The following PCDHGB2 variants were observed in gnomAD, a reference collection of about 807,000 sequenced individuals.
The protein encoded by PCDHGB2 is protocadherin gamma-B2.
A neutral mutation model predicts 59.3 loss-of-function variants in PCDHGB2; 55 were observed. That is an observed-to-expected ratio of 0.93 (90% CI 0.75 to 1.16). The LOEUF is 1.16. Among genes scored for constraint, PCDHGB2 ranks in the 50% most tolerant of loss-of-function variants. The pLI is 0.00. For synonymous variants in PCDHGB2, 516 were observed against 512.0 expected, an observed-to-expected ratio of 1.01 and a Z score of -0.11; for missense variants, 1,228 against 1,198.5, an observed-to-expected ratio of 1.02 and a Z score of -0.36.
At chr5:141,505,559 G>A (rs1215110084) in intron 3 of PCDHGB2, 78 bp downstream of exon 3, 27 of 1,604,592 alleles carry the variant, frequency 1.7e-5, no homozygotes, top group Non-Finnish European at 2.0e-5. Flanking sequence ...CCATGCCCAC[G>A]GACTGGATGT....
intron 1 of PCDHGB2, chr5:141,414,158 G>C: frequency 6.2e-7 from 1 of 1,602,572 alleles, no homozygotes; most frequent in Non-Finnish European, 8.5e-7. Context: ...GCAGAAGATG[G>C]AGGAGCATAT....
chr5:141,365,083 T>G (rs1763725289), intron 1 of PCDHGB2: 1 of 1,613,804 alleles, frequency 6.2e-7, no homozygotes, highest in Non-Finnish European at 8.5e-7. Context: ...GCGTGAGTGT[T>G]CCAGAGAACA....
At chr5:141,416,846 A>G (rs1412860680) in intron 1 of PCDHGB2, 2 of 152,120 alleles carry the variant, frequency 1.3e-5, no homozygotes, top group Non-Finnish European at 2.9e-5. Flanking sequence ...TTATAATTCC[A>G]TGATTTTTTT....
At chr5:141,426,153 T>C (rs928934950) in intron 1 of PCDHGB2, 12 of 154,130 alleles carry the variant, frequency 7.8e-5, no homozygotes, top group African/African-American at 2.6e-4. Flanking sequence ...CTCCTGCAAA[T>C]CTGATTCCAT....
intron 1 of PCDHGB2, among the ~76,000 whole-genome samples, chr5:141,446,719 G>C (rs899985752): frequency 2.6e-5 from 4 of 152,056 alleles, no homozygotes; most frequent in Admixed American, 1.3e-4. Flanking sequence ...TGCCCGCCTC[G>C]GCCTCCCAAA....
chr5:141,494,446 G>C (rs1046119515), intron 1 of PCDHGB2, among the ~76,000 whole-genome samples: 2 of 152,172 alleles, frequency 1.3e-5, no homozygotes, highest in African/African-American at 4.8e-5. Context: ...TGCCACTTTA[G>C]GGGGCTTTGT....
intron 1 of PCDHGB2, chr5:141,418,598 T>G: frequency 6.2e-7 from 1 of 1,614,010 alleles, no homozygotes; most frequent in Non-Finnish European, 8.5e-7. Flanking sequence ...CCAGGACGTG[T>G]ACAGGGTTAG....
intron 1 of PCDHGB2, among the ~76,000 whole-genome samples, chr5:141,455,549 C>G (rs911113181): frequency 1.3e-5 from 2 of 152,042 alleles, no homozygotes; most frequent in Non-Finnish European, 2.9e-5. Flanking sequence ...TCACGTAGCC[C>G]GAGAAAAAGC....
chr5:141,371,072 C>T (rs1456354595), intron 1 of PCDHGB2: 3 of 1,613,886 alleles, frequency 1.9e-6, no homozygotes, highest in South Asian at 1.1e-5. Context: ...GCTGTACCAC[C>T]CAGATCAGGG....
At chr5:141,365,533 C>T (rs772815348) in intron 1 of PCDHGB2, 21 of 1,613,642 alleles carry the variant, frequency 1.3e-5, no homozygotes, top group Non-Finnish European at 1.8e-5. Flanking sequence ...TTGATAATTA[C>T]TATCACCTAT....
intron 1 of PCDHGB2, chr5:141,392,890 T>G (rs2092623202): frequency 3.1e-6 from 5 of 1,613,418 alleles, no homozygotes; most frequent in Admixed American, 1.7e-5. Context: ...CTGTGGGAAA[T>G]CGGGAGGGGA....
chr5:141,384,649 C>T lies in PCDHGB2; in HGVS notation c.2421+22093C>T, dbSNP rs778822731. ...GGAGCTGGCACCCCGCTCCGCAGAGCCCGGCTACCTGGTGACCAAGGTGGT... is the reference window on the plus strand; with the variant it reads ...GGAGCTGGCACCCCGCTCCGCAGAGTCCGGCTACCTGGTGACCAAGGTGGT... On this transcript the variant is annotated intron_variant, in intron 1 of 3. Transcript: ENST00000522605. The T allele has an allele frequency of 3.7e-5, 60 of 1,614,114 alleles. No homozygotes were observed. The Middle Eastern group carries it at 4.9e-4, about 13-fold the overall frequency.
intron 1 of PCDHGB2, among the ~76,000 whole-genome samples, chr5:141,444,152 ATTTTTTTTTTTTTTTT>A (rs747671382): frequency 6.3e-3 from 214 of 33,896 alleles, no homozygotes; most frequent in African/African-American, 0.023. Flanking sequence ...TGTGTACTGG[ATTTTTTTTTTTTTTTT>A]TTTTTTTTTT....
chr5:141,404,860 T>G (rs3749769), intron 1 of PCDHGB2: 7 of 1,613,630 alleles, frequency 4.3e-6, no homozygotes, highest in Admixed American at 1.7e-5. Context: ...TAGATAGAGA[T>G]GCGCTCAAAC....
At chr5:141,382,824 A>T in intron 1 of PCDHGB2, 4 of 1,326,118 alleles carry the variant, frequency 3.0e-6, no homozygotes, top group Non-Finnish European at 4.1e-6. Context: ...CCTAAGACAG[A>T]GGGGTCCACC....
chr5:141,365,161 G>A lies in PCDHGB2; in HGVS notation c.2421+2605G>A, dbSNP rs1472001277. On this transcript the variant is annotated intron_variant, in intron 1 of 3. Transcript: ENST00000522605. ...CAGATGAGGGAATAAACGGGAAATTGACCTACTCTTTTCGCAATGAAGAAG... is the reference window on the plus strand; with the variant it reads ...CAGATGAGGGAATAAACGGGAAATTAACCTACTCTTTTCGCAATGAAGAAG... 5.0e-6 allele frequency: 8 copies of A among 1,613,810 alleles called. No homozygotes were observed. In the African/African-American group the frequency reaches 8.0e-5, roughly 16 times the overall value.
intron 1 of PCDHGB2, among the ~76,000 whole-genome samples, chr5:141,368,739 A>G (rs1261663293): frequency 6.6e-6 from 1 of 152,196 alleles, no homozygotes; most frequent in Non-Finnish European, 1.5e-5. Context: ...TATATACCAT[A>G]TACTTTTAAA....
Position 141,409,505 on chromosome 5 carries a change from A to G in PCDHGB2, c.2421+46949A>G, listed in dbSNP as rs1361558030. 5.6e-6 allele frequency: 9 copies of G among 1,614,036 alleles called. No homozygotes were observed. In the Middle Eastern group the frequency reaches 4.9e-4, roughly 89 times the overall value. On this transcript the variant is annotated intron_variant, in intron 1 of 3. Coordinates refer to ENST00000522605, the MANE Select transcript of PCDHGB2 (RefSeq NM_018923.3). Reference sequence around the variant, plus strand: ...CAGGGGCAAGCCGCCTCTTTCTTCCAGTAGAAGCATCACCTTGTATGTCGC... The same window carrying G: ...CAGGGGCAAGCCGCCTCTTTCTTCCGGTAGAAGCATCACCTTGTATGTCGC...
At chr5:141,452,951 G>A (rs1397204185) in intron 1 of PCDHGB2, among the ~76,000 whole-genome samples, 1 of 152,154 alleles carries the variant, frequency 6.6e-6, no homozygotes, top group Admixed American at 6.6e-5. Context: ...GCAATTGGTT[G>A]TCTTTAAACT....
Sources: gnomAD v4.1 joint callset for allele counts (sites outside exome capture counted in the v4.1 genomes callset) on GRCh38, gnomAD v4.1.1 for gene constraint, MANE v1.5 for transcripts, NCBI Gene and HGNC (gene_info 2026-07-23, HGNC 2026-07-21) for gene names.